Variants in PNPT1 observed in about 807,000 individuals in gnomAD.
PNPT1 encodes polyribonucleotide nucleotidyltransferase 1.
In PNPT1, 53 loss-of-function variants were observed where a neutral mutation model predicts 119.5. The ratio of observed to expected loss-of-function variants is 0.44; its 90% CI spans 0.36 to 0.56. The LOEUF (loss-of-function observed/expected upper bound fraction) is 0.56, where lower values mean the gene tolerates loss of function less well. Ranked by LOEUF, PNPT1 falls within the 20% of genes least tolerant of loss-of-function variation. The pLI is 0.00. For synonymous variants in PNPT1, 357 were observed against 322.1 expected, an observed-to-expected ratio of 1.11 and a Z score of -1.16; for missense variants, 948 against 938.5, an observed-to-expected ratio of 1.01 and a Z score of -0.13.
chr2:55,639,217 A>G (rs1695768080), intron 26 of PNPT1, among the ~76,000 whole-genome samples: 1 of 152,228 alleles, frequency 6.6e-6, no homozygotes, highest in African/African-American at 2.4e-5. Context: ...ATATAGGAGA[A>G]AGATATATGA....
intron 18 of PNPT1, among the ~76,000 whole-genome samples, chr2:55,654,132 C>T (rs1168019369): frequency 1.3e-5 from 2 of 151,972 alleles, no homozygotes; most frequent in African/African-American, 4.8e-5. Flanking sequence ...TAGCACGCAC[C>T]TGTAATTCCA....
chr2:55,682,595 T>C (rs115948055), intron 5 of PNPT1, among the ~76,000 whole-genome samples: 8,695 of 152,160 alleles, frequency 0.057, 317 homozygotes, highest in Admixed American at 0.089. Context: ...ATAATGTGCC[T>C]ATGTCATGCA....
At chr2:55,656,633 A>G (rs1398945412) in intron 15 of PNPT1, among the ~76,000 whole-genome samples, 4 of 152,234 alleles carry the variant, frequency 2.6e-5, no homozygotes, top group African/African-American at 9.6e-5. Flanking sequence ...ATAAATTTCC[A>G]TTACATTTAA....
chr2:55,675,909 G>A (rs562655738), intron 8 of PNPT1, among the ~76,000 whole-genome samples: 1 of 152,246 alleles, frequency 6.6e-6, no homozygotes, highest in South Asian at 2.1e-4. Context: ...TCACTGCAGA[G>A]TTCTACTGGA....
At position 55,685,049 on chromosome 2, in the gene PNPT1, C is replaced by T. The variant is rs766456922; in HGVS notation, c.298-1G>A. On this transcript the variant is annotated splice_acceptor_variant, in intron 3 of 27. Transcript: ENST00000447944. LOFTEE classifies it high-confidence loss of function. ...CAGCAGCTTTTTGTCTGTAGTCAACCTGAAGCAGCAATAAAAAAAAGTTCA... is the reference window on the plus strand; with the variant it reads ...CAGCAGCTTTTTGTCTGTAGTCAACTTGAAGCAGCAATAAAAAAAAGTTCA... 1 of 1,569,402 alleles carries T rather than the reference C, an allele frequency of 6.4e-7. No homozygotes were observed. Among genetic ancestry groups the T allele is most frequent in the Non-Finnish European group, 8.7e-7 (1 of 1,152,612 alleles).
chr2:55,656,696 T>TA (rs1696398641), intron 15 of PNPT1, among the ~76,000 whole-genome samples: 1 of 152,232 alleles, frequency 6.6e-6, no homozygotes, highest in Non-Finnish European at 1.5e-5. Context: ...TGTACATATT[T>TA]AAAAAGTACA....
intron 8 of PNPT1, 92 bp downstream of exon 8, chr2:55,679,590 G>C: frequency 2.2e-6 from 2 of 910,926 alleles, no homozygotes. Context: ...TATGGCTACC[G>C]ACAAAACATA....
At position 55,646,420 on chromosome 2, in the gene PNPT1, A is replaced by G; in HGVS notation, c.1669T>C (p.Leu557=). 2 of 1,612,022 alleles carry G rather than the reference A, an allele frequency of 1.2e-6. No individual in the cohort carries two copies. Among genetic ancestry groups the G allele is most frequent in the Non-Finnish European group, 1.7e-6 (2 of 1,178,676 alleles). The change falls in exon 20 of 28, where the codon TTA becomes CTA. Residue 557 remains leucine, a synonymous_variant. Coordinates refer to ENST00000447944, the MANE Select transcript of PNPT1 (RefSeq NM_033109.5). ...AAAATGGGTTTTAAAAATACCTGTA[A>G]TGCAGTTATTCCTTTATTAGTGCCA... ...IAGTNKGITA[L]QADIKLPGIP... is the part of the protein sequence containing the mutation.
At position 55,667,112 on chromosome 2, in the gene PNPT1, T is replaced by C. The variant is rs782637; in HGVS notation, c.1074-19A>G. The C allele has an allele frequency of 0.48, 757,358 of 1,570,290 alleles. 189,175 individuals are homozygous for C. Among genetic ancestry groups the C allele is most frequent in the Non-Finnish European group, 0.52 (592,973 of 1,142,682 alleles). ...ATCGCACCTATAGTGATATAGGAAA[T>C]AAGTACATTAAGTAACGCTGGAAAC... On this transcript the variant is annotated intron_variant, in intron 12 of 27. Transcript: ENST00000447944.
intron 13 of PNPT1, among the ~76,000 whole-genome samples, chr2:55,666,784 A>G (rs1420029453): frequency 1.3e-5 from 2 of 152,176 alleles, no homozygotes; most frequent in African/African-American, 4.8e-5. Flanking sequence ...AGAGGTTTCA[A>G]TGAGCTATGA....
intron 25 of PNPT1, among the ~76,000 whole-genome samples, chr2:55,641,894 T>G (rs890315055): frequency 6.6e-6 from 1 of 150,864 alleles, no homozygotes; most frequent in Non-Finnish European, 1.5e-5. Flanking sequence ...CAGGCTGGAG[T>G]GCAGTGGTGC....
intron 18 of PNPT1, among the ~76,000 whole-genome samples, chr2:55,654,305 C>T (rs574776464): frequency 2.0e-5 from 3 of 151,196 alleles, no homozygotes; most frequent in Non-Finnish European, 2.9e-5. Context: ...TCGTTTTTGG[C>T]GTTTCAGACC....
At chr2:55,649,386 C>T (rs986263658) in intron 18 of PNPT1, among the ~76,000 whole-genome samples, 2 of 152,242 alleles carry the variant, frequency 1.3e-5, no homozygotes, top group African/African-American at 2.4e-5. Context: ...CTAAGACACT[C>T]ATGCCAGAAT....
At position 55,635,727 on chromosome 2, in the gene PNPT1, A is replaced by G. The variant is rs554740087; in HGVS notation, c.*510T>C. 1 of 152,332 alleles carries G rather than the reference A, an allele frequency of 6.6e-6. No homozygotes were observed. The highest frequency in any genetic ancestry group is 2.1e-4 in the South Asian group (1 of 4,828). The allele number at this position is 152,332 out of a possible 1,614,324, so 9.4% of individuals were successfully genotyped here. ...AAAAGTGTATCAGATTAGCTCCCTC[A>G]ACTCACTATATCTGTTAACAGTTCT... On this transcript the variant is annotated 3_prime_UTR_variant, in exon 28 of 28. Coordinates refer to ENST00000447944, the MANE Select transcript of PNPT1 (RefSeq NM_033109.5).
intron 1 of PNPT1, among the ~76,000 whole-genome samples, chr2:55,688,768 A>AC (rs1176122212): frequency 1.4e-3 from 121 of 87,920 alleles, no homozygotes; most frequent in Non-Finnish European, 1.8e-3. Context: ...AACAACAACA[A>AC]AAAACTTTAG....
At chr2:55,670,739 G>T (rs1416069818) in intron 11 of PNPT1, among the ~76,000 whole-genome samples, 2 of 152,160 alleles carry the variant, frequency 1.3e-5, no homozygotes, top group Non-Finnish European at 2.9e-5. Context: ...GTTTTCAAAT[G>T]ATAAGATACC....
At chr2:55,648,459 G>A (rs771106199) in intron 18 of PNPT1, among the ~76,000 whole-genome samples, 6 of 152,190 alleles carry the variant, frequency 3.9e-5, no homozygotes, top group Non-Finnish European at 8.8e-5. Flanking sequence ...TACCAGTGGT[G>A]TAAGAAGGTA....
At chr2:55,686,296 C>G in intron 3 of PNPT1, 74 bp downstream of exon 3, 14 of 1,420,022 alleles carry the variant, frequency 9.9e-6, no homozygotes, top group African/African-American at 1.4e-5. Context: ...TCACTAGACA[C>G]TGGACAAAAA....
At chr2:55,677,616 AAAAAAAG>A in intron 8 of PNPT1, among the ~76,000 whole-genome samples, 2 of 150,682 alleles carry the variant, frequency 1.3e-5, no homozygotes, top group African/African-American at 2.5e-5. Flanking sequence ...AAAAAAAAAA[AAAAAAAG>A]ATTATTAGTT....
Sources: allele counts gnomAD v4.1 joint callset (sites outside exome capture counted in the v4.1 genomes callset), GRCh38; gene constraint gnomAD v4.1.1; transcripts MANE v1.5; gene names NCBI Gene and HGNC (gene_info 2026-07-23, HGNC 2026-07-21).